PIGL: variants seen among roughly 807,000 people sequenced by gnomAD.
PIGL encodes N-acetylglucosaminyl-phosphatidylinositol de-N-acetylase.
A neutral mutation model predicts 31.1 loss-of-function variants in PIGL; 22 were observed. The observed-to-expected ratio is 0.71, with a 90% CI of 0.51 to 1.01. The LOEUF (loss-of-function observed/expected upper bound fraction) is 1.01, where lower values mean the gene tolerates loss of function less well. Among genes scored for constraint, PIGL ranks in the 50% least tolerant of loss-of-function variants. The probability of loss-of-function intolerance (pLI) is 0.00; values close to 1 mark genes in which losing one functional copy is unlikely to be tolerated. For missense variants in PIGL, 302 were observed against 315.9 expected (o/e 0.96, Z 0.33); for synonymous variants, 131 against 117.4 (o/e 1.12, Z -0.75).
intron 2 of PIGL, among the ~76,000 whole-genome samples, chr17:16,250,371 G>C (rs1238301524): frequency 4.6e-5 from 7 of 152,228 alleles, no homozygotes; most frequent in Non-Finnish European, 8.8e-5. Flanking sequence ...TGCTATTTCA[G>C]GTATCCACTG....
intron 2 of PIGL, among the ~76,000 whole-genome samples, chr17:16,274,599 T>C (rs1466262504): frequency 6.6e-6 from 1 of 151,484 alleles, no homozygotes; most frequent in African/African-American, 2.4e-5. Flanking sequence ...GGCAGCCACC[T>C]GTAATCTCAG....
intron 1 of PIGL, among the ~76,000 whole-genome samples, chr17:16,231,067 C>CTTTTTTTTTTT (rs59390439): frequency 1.0e-5 from 1 of 96,576 alleles, no homozygotes; most frequent in African/African-American, 4.3e-5. Flanking sequence ...TTTGGTTTTT[C>CTTTTTTTTTTT]TTTTTTTTTT....
At chr17:16,242,290 G>C (rs1360585809) in intron 2 of PIGL, among the ~76,000 whole-genome samples, 1 of 152,060 alleles carries the variant, frequency 6.6e-6, no homozygotes, top group Non-Finnish European at 1.5e-5. Flanking sequence ...TTGGGCTCAA[G>C]TGATCTGCCT....
At chr17:16,233,930 T>A (rs748542809) in intron 1 of PIGL, 41 bp from the exon 2 acceptor site, 3 of 991,760 alleles carry the variant, frequency 3.0e-6, no homozygotes, top group Non-Finnish European at 1.5e-6. Context: ...TCTCCACTGT[T>A]AAAAAAAAAA....
chr17:16,317,421 C>G, intron 5 of PIGL: 6 of 1,005,904 alleles, frequency 6.0e-6, no homozygotes, highest in Non-Finnish European at 7.2e-6. Context: ...TCTGTCAATT[C>G]TTGACTGACA....
chr17:16,312,090 C>T (rs2093053734), intron 3 of PIGL, among the ~76,000 whole-genome samples: 2 of 141,042 alleles, frequency 1.4e-5, no homozygotes, highest in South Asian at 2.2e-4. Flanking sequence ...TGGGGGCTGC[C>T]CCCCCACCTC....
At position 16,317,825 on chromosome 17, in the gene PIGL, TCC is replaced by T; in HGVS notation, c.579_580del (p.Leu194SerfsTer62). 1 of 1,614,136 alleles carries T rather than the reference TCC, an allele frequency of 6.2e-7. No individual in the cohort carries two copies. Among genetic ancestry groups the T allele is most frequent in the Non-Finnish European group, 8.5e-7 (1 of 1,180,028 alleles). On this transcript the variant is annotated frameshift_variant, in exon 6 of 7. Coordinates refer to ENST00000225609, the MANE Select transcript of PIGL (RefSeq NM_004278.4). LOFTEE classifies it high-confidence loss of function. ...QSVNVLRKYI[S>X]LLDLPLSLLH... ...TGTGAATGTGCTGCGCAAGTACATC[TCC>T]CTTCTGGATCTGCCCTTGTCTCTGC...
At chr17:16,316,583 GA>G (rs1469674821) in intron 4 of PIGL, 97 bp from the exon 5 acceptor site, 2 of 1,201,500 alleles carry the variant, frequency 1.7e-6, no homozygotes, top group East Asian at 4.7e-5. Context: ...ACATGGAGGG[GA>G]CCATGGGCAT....
intron 2 of PIGL, among the ~76,000 whole-genome samples, chr17:16,252,423 A>G (rs1399173945): frequency 6.6e-6 from 1 of 152,030 alleles, no homozygotes; most frequent in Admixed American, 6.6e-5. Context: ...GTATGCACAG[A>G]TAATTTCTAA....
intron 2 of PIGL, among the ~76,000 whole-genome samples, chr17:16,254,662 T>C (rs1422271098): frequency 2.0e-5 from 3 of 152,064 alleles, no homozygotes; most frequent in Non-Finnish European, 4.4e-5. Flanking sequence ...TGGAATGCAG[T>C]GGCGCTATCT....
At chr17:16,260,454 A>G (rs936498375) in intron 2 of PIGL, among the ~76,000 whole-genome samples, 3 of 152,218 alleles carry the variant, frequency 2.0e-5, no homozygotes, top group Non-Finnish European at 2.9e-5. Context: ...GACAACAGGA[A>G]GACCTGCCTG....
chr17:16,265,452 G>A (rs73281981), intron 2 of PIGL, among the ~76,000 whole-genome samples: 4,087 of 152,146 alleles, frequency 0.027, 179 homozygotes, highest in African/African-American at 0.093. Flanking sequence ...TCAAGAATCA[G>A]GGAAACCAGA....
At chr17:16,218,463 C>A (rs2092609324) in intron 1 of PIGL, among the ~76,000 whole-genome samples, 1 of 152,158 alleles carries the variant, frequency 6.6e-6, no homozygotes, top group South Asian at 2.1e-4. Flanking sequence ...TTAATTAGAT[C>A]TAAATGTATA....
intron 1 of PIGL, among the ~76,000 whole-genome samples, chr17:16,229,802 ATACCTATTCAAGTCCT>A (rs1307584400): frequency 6.6e-6 from 1 of 151,206 alleles, no homozygotes. Flanking sequence ...TCTTTAGAGA[ATACCTATTCAAGTCCT>A]TTGCCCATTT....
intron 2 of PIGL, among the ~76,000 whole-genome samples, chr17:16,285,282 T>A (rs2142802255): frequency 6.6e-6 from 1 of 152,288 alleles, no homozygotes; most frequent in South Asian, 2.1e-4. Flanking sequence ...CCTTTTTATA[T>A]CCTATGAGAA....
intron 1 of PIGL, among the ~76,000 whole-genome samples, chr17:16,230,060 A>T (rs538988496): frequency 6.6e-6 from 1 of 151,906 alleles, no homozygotes; most frequent in South Asian, 2.1e-4. Context: ...ATGGGGTTTC[A>T]CTATGTTGGC....
intron 2 of PIGL, among the ~76,000 whole-genome samples, chr17:16,242,791 T>G (rs986650336): frequency 6.6e-6 from 1 of 151,790 alleles, no homozygotes; most frequent in Admixed American, 6.6e-5. Flanking sequence ...TAATTTTTTG[T>G]TTTTTTAGTA....
intron 3 of PIGL, among the ~76,000 whole-genome samples, chr17:16,300,356 C>G (rs901757835): frequency 1.6e-4 from 24 of 152,276 alleles, no homozygotes; most frequent in Non-Finnish European, 2.9e-4. Context: ...TTTTACCAAG[C>G]ATTTTCACAG....
At chr17:16,281,890 C>G (rs2092917849) in intron 2 of PIGL, 11 of 322,948 alleles carry the variant, frequency 3.4e-5, no homozygotes, top group South Asian at 2.6e-4. Flanking sequence ...TCCCATCTGA[C>G]ATGAAGCAGG....
Sources: allele counts gnomAD v4.1 joint callset (sites outside exome capture counted in the v4.1 genomes callset), GRCh38; gene constraint gnomAD v4.1.1; transcripts MANE v1.5; gene names NCBI Gene and HGNC (gene_info 2026-07-23, HGNC 2026-07-21).